C7orf25: variants seen among roughly 807,000 people sequenced by gnomAD.
The protein encoded by C7orf25 is chromosome 7 open reading frame 25, also known as UPF0415 protein C7orf25.
In C7orf25, 14 loss-of-function variants were observed where a neutral mutation model predicts 25.5. That is an observed-to-expected ratio of 0.55 (90% CI 0.36 to 0.86). C7orf25 has a LOEUF of 0.86. Among genes scored for constraint, C7orf25 ranks in the 40% least tolerant of loss-of-function variants. The probability of loss-of-function intolerance (pLI) is 0.01; values close to 1 mark genes in which losing one functional copy is unlikely to be tolerated. For missense variants in C7orf25, 405 were observed against 493.9 expected, an observed-to-expected ratio of 0.82 and a Z score of 1.71; for synonymous variants, 184 against 179.9, an observed-to-expected ratio of 1.02 and a Z score of -0.18.
Position 42,912,038 on chromosome 7 carries a change from G to A in C7orf25, c.-145C>T. 2.7e-6 allele frequency: 4 copies of A among 1,468,546 alleles called. No individual in the cohort carries two copies. The highest frequency in any genetic ancestry group is 2.6e-5 in the South Asian group (2 of 76,682). The allele number at this position is 1,468,546 out of a possible 1,614,324, so 91.0% of individuals were successfully genotyped here. A position where few individuals can be genotyped will look rare whatever the true frequency, so the allele number is the denominator to read the frequency against. On this transcript the variant is annotated 5_prime_UTR_variant, in exon 1 of 2. Coordinates refer to ENST00000350427, the MANE Select transcript of C7orf25 (RefSeq NM_001099858.2). ...AACGCCGAGGCGGCTCCACCCGCGC[G>A]AGCCCCGCCGCCTCGGGCACCTCCT...
rs1562696341 is a variant in C7orf25, at chr7:42,910,907, A to C, written c.-7T>G. 6.2e-7 allele frequency: 1 copy of C among 1,612,198 alleles called. No individual in the cohort carries two copies. The highest frequency in any genetic ancestry group is 8.5e-7 in the Non-Finnish European group (1 of 1,179,342). On this transcript the variant is annotated 5_prime_UTR_variant, in exon 2 of 2. Transcript: ENST00000350427. The stretch of plus-strand genomic sequence containing the variant: ...GCATGGAATGTGCAGACATGCTGTC[A>C]GCATTATTCCTTTCCTAGGGAAAGA...
rs1289581531 is a variant in C7orf25, at chr7:42,911,975, G to A, written c.-82C>T. ...CGCGTGCACGCAGAGGCCGGGACCC[G>A]CCGGGAAATCTCAACCGGGCAGCCC... On this transcript the variant is annotated 5_prime_UTR_variant, in exon 1 of 2. Transcript: ENST00000350427. The A allele has an allele frequency of 2.0e-6, 3 of 1,495,954 alleles. No individual in the cohort carries two copies. The highest frequency in any genetic ancestry group is 2.2e-5 in the Admixed American group (1 of 45,522). The allele number at this position is 1,495,954 out of a possible 1,614,324, so 92.7% of individuals were successfully genotyped here.
intron 1 of C7orf25, 31 bp downstream of exon 1, chr7:42,911,858 GGCCTCAGAAGAGGCGCCCCGCTCCCA>G: frequency 7.2e-7 from 1 of 1,381,096 alleles, no homozygotes; most frequent in Non-Finnish European, 9.3e-7. Flanking sequence ...AGCCCCCTCT[GGCCTCAGAAGAGGCGCCCCGCTCCCA>G]GCCTCCCCGC....
At chr7:42,910,956 C>T in intron 1 of C7orf25, 35 bp from the exon 2 acceptor site, 2 of 1,605,454 alleles carry the variant, frequency 1.2e-6, no homozygotes, top group South Asian at 2.2e-5. Flanking sequence ...TCAGTAGTCT[C>T]CTAAAATTAT....
At position 42,910,641 on chromosome 7, in the gene C7orf25, C is replaced by CT. The variant is rs753835129; in HGVS notation, c.259dup (p.Ser87LysfsTer39). The stretch of plus-strand genomic sequence containing the variant: ...TGTATAACCAAAGACATGAAGAACA[C>CT]TAACAACTTCTTCCAGGTTTTCTGC... On this transcript the variant is annotated frameshift_variant, in exon 2 of 2. Coordinates refer to ENST00000350427, the MANE Select transcript of C7orf25 (RefSeq NM_001099858.2). LOFTEE classifies it high-confidence loss of function. 1.2e-6 allele frequency: 2 copies of CT among 1,614,162 alleles called. No individual in the cohort carries two copies. Among genetic ancestry groups the CT allele is most frequent in the South Asian group, 1.1e-5 (1 of 91,090 alleles).
rs760341832 is a variant in C7orf25, at chr7:42,909,996, A to C, written c.905T>G (p.Phe302Cys). 1 of 1,614,194 alleles carries C rather than the reference A, an allele frequency of 6.2e-7. No individual in the cohort carries two copies. Among genetic ancestry groups the C allele is most frequent in the Non-Finnish European group, 8.5e-7 (1 of 1,180,046 alleles). Residue 302 changes from phenylalanine (F) to cysteine (C), a missense_variant, in exon 2 of 2, where the codon TTT becomes TGT. Transcript: ENST00000350427. ...GTCCTTGACAGCAGATTCACAAGCA[A>C]ACAACTCCTTGTCCTTCATAAAGGC... ...LEAFMKDKEL[F>C]ACESAVKDFQ... is the part of the protein sequence containing the mutation.
rs1214430700 is a variant in C7orf25 at position 42,912,041 on chromosome 7, C to T, written c.-148G>A. On this transcript the variant is annotated 5_prime_UTR_variant, in exon 1 of 2. Coordinates refer to ENST00000350427, the MANE Select transcript of C7orf25 (RefSeq NM_001099858.2). ...GCCGAGGCGGCTCCACCCGCGCGAG[C>T]CCCGCCGCCTCGGGCACCTCCTGCA... 3.4e-6 allele frequency: 5 copies of T among 1,466,816 alleles called. No individual in the cohort carries two copies. In the East Asian group the frequency reaches 1.2e-4, roughly 34 times the overall value. The allele number at this position is 1,466,816 out of a possible 1,614,324, so 90.9% of individuals were successfully genotyped here.
Position 42,909,712 on chromosome 7 carries a change from G to T in C7orf25, c.1189C>A (p.Pro397Thr), listed in dbSNP as rs368456931. Reference protein sequence around the residue: ...GVKFSVFIHQPRALTESKEAL... With the variant: ...GVKFSVFIHQTRALTESKEAL... ...TCTTTACTCTCAGTAAGTGCTCTGG[G>T]CTGATGGATAAACACACTAAATTTA... Residue 397 changes from proline (P) to threonine (T), a missense_variant, in exon 2 of 2, where the codon CCC becomes ACC. By Grantham distance (38) the Pro-to-Thr change is conservative. Coordinates refer to ENST00000350427, the MANE Select transcript of C7orf25 (RefSeq NM_001099858.2). 1.2e-6 allele frequency: 2 copies of T among 1,614,078 alleles called. No homozygotes were observed. The highest frequency in any genetic ancestry group is 1.7e-6 in the Non-Finnish European group (2 of 1,180,046).
intron 1 of C7orf25, chr7:42,911,699 G>T (rs1290197560): frequency 8.6e-7 from 1 of 1,166,338 alleles, no homozygotes; most frequent in Non-Finnish European, 1.1e-6. Context: ...GGTGGGCTGC[G>T]GGGCCCTCGG....
Position 42,909,839 on chromosome 7 carries a change from A to C in C7orf25, c.1062T>G (p.Ile354Met). Residue 354 changes from isoleucine to methionine, a missense_variant, in exon 2 of 2, where the codon ATT (isoleucine) becomes ATG (methionine). By Grantham distance (10) the Ile-to-Met change is conservative. Transcript: ENST00000350427. Reference protein sequence around the residue: ...RALRLVASSKINSRSLTIFGT... With the variant: ...RALRLVASSKMNSRSLTIFGT... Reference sequence around the variant, plus strand: ...CAAAAATTGTTAATGAGCGGCTATTAATTTTTGAACTGGCCACTAGTCTCA... The same window carrying C: ...CAAAAATTGTTAATGAGCGGCTATTCATTTTTGAACTGGCCACTAGTCTCA... 1 of 1,614,130 alleles carries C rather than the reference A, an allele frequency of 6.2e-7. No homozygotes were observed.
chr7:42,911,734 G>C lies in C7orf25; in HGVS notation c.-22+181C>G, dbSNP rs931589884. On this transcript the variant is annotated intron_variant, in intron 1 of 1. Coordinates refer to ENST00000350427, the MANE Select transcript of C7orf25 (RefSeq NM_001099858.2). ...GCCCTGCCCGGCCACCTGCACAGCC[G>C]GGCCCTGCCAGGAGGGGCCGGGGCC... The C allele has an allele frequency of 3.3e-6, 4 of 1,207,020 alleles. No individual in the cohort carries two copies. The East Asian group carries it at 1.0e-4, about 32-fold the overall frequency. 74.8% of individuals were successfully genotyped at this position (1,207,020 alleles called of 1,614,324 possible). A position where few individuals can be genotyped will look rare whatever the true frequency, so the allele number is the denominator to read the frequency against.
Position 42,910,114 on chromosome 7 carries a change from T to C in C7orf25, c.787A>G (p.Ser263Gly), listed in dbSNP as rs368545555. 3.5e-5 allele frequency: 57 copies of C among 1,614,094 alleles called. No homozygotes were observed. Among genetic ancestry groups the C allele is most frequent in the Non-Finnish European group, 4.6e-5 (54 of 1,180,052 alleles). ...TTLITYVSAL[S>G]YGGCHFIFKE... ...AAAATAAAGTGGCAGCCTCCATAGCTGAGGGCAGATACATATGTGATTAAA... is the reference window on the plus strand; with the variant it reads ...AAAATAAAGTGGCAGCCTCCATAGCCGAGGGCAGATACATATGTGATTAAA... Residue 263 changes from serine to glycine, a missense_variant, in exon 2 of 2, where the codon AGC (serine) becomes GGC (glycine). Transcript: ENST00000350427.
At chr7:42,911,327 G>C in intron 1 of C7orf25, 5 of 1,124,628 alleles carry the variant, frequency 4.4e-6, no homozygotes, top group East Asian at 1.2e-4. Context: ...AATACACACA[G>C]ACTGGCTAGT....
Position 42,911,886 on chromosome 7 carries a change from CCTCCCCGCCTCG to C in C7orf25, c.-22+17_-22+28del, listed in dbSNP as rs1785914882. On this transcript the variant is annotated intron_variant, in intron 1 of 1. Coordinates refer to ENST00000350427, the MANE Select transcript of C7orf25 (RefSeq NM_001099858.2). Reference sequence around the variant, plus strand: ...CTCAGAAGAGGCGCCCCGCTCCCAGCCTCCCCGCCTCGCTCCCCGGCTCCTCACCGGCAGCGC... The same window carrying C: ...CTCAGAAGAGGCGCCCCGCTCCCAGCCTCCCCGGCTCCTCACCGGCAGCGC... 1 of 1,419,106 alleles carries C rather than the reference CCTCCCCGCCTCG, an allele frequency of 7.0e-7. No individual in the cohort carries two copies. Among genetic ancestry groups the C allele is most frequent in the African/African-American group, 1.5e-5 (1 of 66,496 alleles). The allele number at this position is 1,419,106 out of a possible 1,614,324, so 87.9% of individuals were successfully genotyped here.
Position 42,911,983 on chromosome 7 carries a change from A to T in C7orf25, c.-90T>A, listed in dbSNP as rs775188109. 296 of 1,496,278 alleles carry T rather than the reference A, an allele frequency of 2.0e-4. No homozygotes were observed. The highest frequency in any genetic ancestry group is 2.5e-4 in the Non-Finnish European group (278 of 1,131,068). 92.7% of individuals were successfully genotyped at this position (1,496,278 alleles called of 1,614,324 possible). The stretch of plus-strand genomic sequence containing the variant: ...CGCAGAGGCCGGGACCCGCCGGGAA[A>T]TCTCAACCGGGCAGCCCCCACCCCG... On this transcript the variant is annotated 5_prime_UTR_variant, in exon 1 of 2. Coordinates refer to ENST00000350427, the MANE Select transcript of C7orf25 (RefSeq NM_001099858.2).
intron 1 of C7orf25, 119 bp downstream of exon 1, chr7:42,911,796 C>A: frequency 7.8e-7 from 1 of 1,278,322 alleles, no homozygotes; most frequent in African/African-American, 1.6e-5. Flanking sequence ...GCTCAGGGAC[C>A]AGGCGCTGAT....
In C7orf25 at chr7:42,909,431, GAC is replaced by G. The variant is rs1272558861; in HGVS notation, c.*202_*203del. The G allele has an allele frequency of 1.8e-6, 1 of 562,602 alleles. No homozygotes were observed. Among genetic ancestry groups the G allele is most frequent in the Non-Finnish European group, 3.0e-6 (1 of 329,158 alleles). 34.9% of individuals were successfully genotyped at this position (562,602 alleles called of 1,614,324 possible). The stretch of plus-strand genomic sequence containing the variant: ...TTCGGTTCTTAATTGCACTAATGCA[GAC>G]AGTTTGATAGATAAGCTTCTCTCTT... On this transcript the variant is annotated 3_prime_UTR_variant, in exon 2 of 2. Coordinates refer to ENST00000350427, the MANE Select transcript of C7orf25 (RefSeq NM_001099858.2).
Position 42,909,411 on chromosome 7 carries a change from TTC to T in C7orf25, c.*222_*223del. 1 of 497,122 alleles carries T rather than the reference TTC, an allele frequency of 2.0e-6. No individual in the cohort carries two copies. The highest frequency in any genetic ancestry group is 3.5e-6 in the Non-Finnish European group (1 of 286,696). The allele number at this position is 497,122 out of a possible 1,614,324, so 30.8% of individuals were successfully genotyped here. ...AAAGCTTTATATAGACGTATTTCGG[TTC>T]TTAATTGCACTAATGCAGACAGTTT... On this transcript the variant is annotated 3_prime_UTR_variant, in exon 2 of 2. Transcript: ENST00000350427.
Position 42,909,577 on chromosome 7 carries a change from G to C in C7orf25, c.*58C>G, listed in dbSNP as rs1468566654. On this transcript the variant is annotated 3_prime_UTR_variant, in exon 2 of 2. Coordinates refer to ENST00000350427, the MANE Select transcript of C7orf25 (RefSeq NM_001099858.2). ...CCTTTTTTCCCACCAGTTTAGATGG[G>C]AAGACCCAGCCTTTGGTATAAATAA... is the stretch of plus-strand genomic sequence containing the variant. 11 of 1,535,096 alleles carry C rather than the reference G, an allele frequency of 7.2e-6. No homozygotes were observed. Among genetic ancestry groups the C allele is most frequent in the Non-Finnish European group, 9.6e-6 (11 of 1,143,402 alleles).
Sources: gnomAD v4.1 joint callset for allele counts on GRCh38, gnomAD v4.1.1 for gene constraint, MANE v1.5 for transcripts, NCBI Gene and HGNC (gene_info 2026-07-23, HGNC 2026-07-21) for gene names.